The following ALS2CL variants were observed in gnomAD, a reference collection of about 807,000 sequenced individuals.
ALS2CL encodes the protein ALS2 C-terminal-like protein.
Under a neutral mutation model 127.9 loss-of-function variants are expected in ALS2CL, and 112 were observed. The ratio of observed to expected loss-of-function variants is 0.88; its 90% CI spans 0.75 to 1.02. The LOEUF is 1.02. Among genes scored for constraint, ALS2CL ranks in the 50% least tolerant of loss-of-function variants. The pLI, the probability that ALS2CL is intolerant of heterozygous loss-of-function variation, is 0.00. For synonymous variants in ALS2CL, 519 were observed against 527.6 expected (o/e 0.98, Z 0.22); for missense variants, 1,174 against 1,236.7 (o/e 0.95, Z 0.76).
chr3:46,692,911 T>A (rs1433533020), intron 1 of ALS2CL, among the ~76,000 whole-genome samples: 1 of 152,176 alleles, frequency 6.6e-6, no homozygotes, highest in Non-Finnish European at 1.5e-5. Context: ...GTCGTGACAC[T>A]CACTCACTCT....
At chr3:46,677,924 G>A (rs2106706613) in intron 16 of ALS2CL, among the ~76,000 whole-genome samples, 1 of 145,170 alleles carries the variant, frequency 6.9e-6, no homozygotes, top group South Asian at 2.2e-4. Flanking sequence ...TTCTTTTAAG[G>A]TTAACATATG....
chr3:46,683,765 A>G lies in ALS2CL; in HGVS notation c.912+17T>C. 6.2e-7 allele frequency: 1 copy of G among 1,613,726 alleles called. No individual in the cohort carries two copies. The highest frequency in any genetic ancestry group is 2.2e-5 in the East Asian group (1 of 44,878). ...CTCTGACCCCGCTCCCGCAGTTCAC[A>G]GCTCACCCACACTCACCTGGCCCTG... On this transcript the variant is annotated intron_variant, in intron 9 of 25. Coordinates refer to ENST00000318962, the MANE Select transcript of ALS2CL (RefSeq NM_147129.5).
intron 14 of ALS2CL, chr3:46,679,808 AC>A (rs1575425730): frequency 1.3e-5 from 2 of 155,156 alleles, no homozygotes; most frequent in Non-Finnish European, 2.9e-5. Context: ...GCATAAACAA[AC>A]CAACAGACCA....
Position 46,676,977 on chromosome 3 carries a change from T to C in ALS2CL, c.1803A>G (p.Gly601=). The C allele has an allele frequency of 6.2e-7, 1 of 1,612,328 alleles. No individual in the cohort carries two copies. The highest frequency in any genetic ancestry group is 1.3e-5 in the African/African-American group (1 of 74,994). The change falls in exon 17 of 26, where the codon GGA becomes GGG. Residue 601 remains glycine, a synonymous_variant. Transcript: ENST00000318962. ...GAFPVESRWQ[G]VYSPFRDFVC... Reference sequence around the variant, plus strand: ...CAAAGTCCCGGAAGGGGCTGTAGACTCCCTGCCAGCGGCTTTCCACGGGGA... The same window carrying C: ...CAAAGTCCCGGAAGGGGCTGTAGACCCCCTGCCAGCGGCTTTCCACGGGGA...
At chr3:46,688,589 C>T (rs116492001) in intron 2 of ALS2CL, among the ~76,000 whole-genome samples, 5 of 152,196 alleles carry the variant, frequency 3.3e-5, no homozygotes, top group Non-Finnish European at 5.9e-5. Context: ...AGTACATACA[C>T]GAATTCCCCC....
At chr3:46,685,737 T>A (rs1472298484) in intron 6 of ALS2CL, 93 bp from the exon 7 acceptor site, 2 of 1,498,006 alleles carry the variant, frequency 1.3e-6, no homozygotes, top group Admixed American at 4.1e-5. Context: ...CCCAGACACC[T>A]CCCAGAGGCC....
chr3:46,678,350 A>T lies in ALS2CL; in HGVS notation c.1666T>A (p.Ser556Thr). 2 of 1,613,286 alleles carry T rather than the reference A, an allele frequency of 1.2e-6. No individual in the cohort carries two copies. ...CCTCTCCCTGCCCCACTGCCGAACG[A>T]GCCCTCCAGGGTGAAGCCATTGGGG... is the stretch of plus-strand genomic sequence containing the variant. ...TFPNGFTLEG[S>T]FGSGAGRGLH... The change falls in exon 16 of 26, where the codon TCG becomes ACG. Residue 556 changes from serine to threonine, a missense_variant. Coordinates refer to ENST00000318962, the MANE Select transcript of ALS2CL (RefSeq NM_147129.5).
intron 9 of ALS2CL, 53 bp from the exon 10 acceptor site, chr3:46,683,379 C>T: frequency 6.6e-7 from 1 of 1,522,494 alleles, no homozygotes; most frequent in Middle Eastern, 2.1e-4. Flanking sequence ...GAGGCTTTCC[C>T]TCCAGGAAGC....
rs774088054 is a variant in ALS2CL, at chr3:46,672,051, G to C, written c.2535-18C>G. On this transcript the variant is annotated intron_variant, in intron 23 of 25. Coordinates refer to ENST00000318962, the MANE Select transcript of ALS2CL (RefSeq NM_147129.5). ...CCGTGGTCCTGCAGCAGGGTAGCTG[G>C]CTCCAGGTCAAGGCCCTTGGTTCAG... 3.1e-6 allele frequency: 5 copies of C among 1,614,034 alleles called. No homozygotes were observed. In the South Asian group the frequency reaches 4.4e-5, roughly 14 times the overall value.
In ALS2CL at chr3:46,673,350, T is replaced by C; in HGVS notation, c.2461A>G (p.Thr821Ala). 6.4e-7 allele frequency: 1 copy of C among 1,565,838 alleles called. No individual in the cohort carries two copies. Among genetic ancestry groups the C allele is most frequent in the Non-Finnish European group, 8.7e-7 (1 of 1,154,882 alleles). ...GGCCTCCCTCTCACCTGATTGCTCGTCAGCGTGAGGTCCTTGAGGGGCCAC... is the reference window on the plus strand; with the variant it reads ...GGCCTCCCTCTCACCTGATTGCTCGCCAGCGTGAGGTCCTTGAGGGGCCAC... Reference protein sequence around the residue: ...HLWPLKDLTLTSNQRYSLVRD... With the variant: ...HLWPLKDLTLASNQRYSLVRD... Residue 821 changes from threonine (T) to alanine (A), a missense_variant, in exon 22 of 26, where the codon ACG (threonine) becomes GCG (alanine). Physicochemically the swap from Thr to Ala is moderately conservative, Grantham distance 58. Transcript: ENST00000318962.
At chr3:46,672,063 G>A in intron 23 of ALS2CL, 30 bp from the exon 24 acceptor site, 2 of 1,614,078 alleles carry the variant, frequency 1.2e-6, no homozygotes, top group South Asian at 1.1e-5. Context: ...TCCAGGTCAA[G>A]GCCCTTGGTT....
At chr3:46,683,943 G>A in intron 8 of ALS2CL, 46 bp downstream of exon 8, 1 of 1,612,870 alleles carries the variant, frequency 6.2e-7, no homozygotes, top group African/African-American at 1.3e-5. Context: ...GTGTCATGGG[G>A]GTAAAGGGAA....
At position 46,681,200 on chromosome 3, in the gene ALS2CL, C is replaced by T. The variant is rs1290914869; in HGVS notation, c.1436+46G>A. ...CTGCAACAATCTGGTCTGTGAGGGC[C>T]CGGTCCACCCCTCCGTCCTGGGAGT... is the stretch of plus-strand genomic sequence containing the variant. On this transcript the variant is annotated intron_variant, in intron 13 of 25. Coordinates refer to ENST00000318962, the MANE Select transcript of ALS2CL (RefSeq NM_147129.5). The surrounding 1 kb of genome is among the most constrained non-coding windows in gnomAD (Gnocchi z 4.9). 1.2e-6 allele frequency: 2 copies of T among 1,612,764 alleles called. No homozygotes were observed. Among genetic ancestry groups the T allele is most frequent in the African/African-American group, 2.7e-5 (2 of 74,874 alleles).
rs776440306 is a variant in ALS2CL, at chr3:46,681,368, C to G, written c.1314G>C (p.Glu438Asp). The change falls in exon 13 of 26, where the codon GAG becomes GAC. Residue 438 changes from glutamate (E) to aspartate (D), a missense_variant. Glu to Asp is a conservative substitution (Grantham distance 45). Transcript: ENST00000318962. This position sits in a 1 kb window ranked among gnomAD's most constrained non-coding sequence, Gnocchi z 4.9. ...GGACCCCAAATCCGTGCCGCAGGCC[C>G]TCCTGGAAGTAGCCCTTGTACACCT... is the stretch of plus-strand genomic sequence containing the variant. ...TDEVYKGYFQEGLRHGFGVLE... is the reference protein window; with the variant it reads ...TDEVYKGYFQDGLRHGFGVLE... The G allele has an allele frequency of 3.7e-6, 6 of 1,608,568 alleles. No homozygotes were observed. The South Asian group carries it at 5.5e-5, about 15-fold the overall frequency.
chr3:46,686,971 C>T lies in ALS2CL; in HGVS notation c.534+12G>A. Reference sequence around the variant, plus strand: ...CTCGGCTTCCCCACATGCTGCTGCCCCTGGTACCCACCTCCCCAATGGTGT... The same window carrying T: ...CTCGGCTTCCCCACATGCTGCTGCCTCTGGTACCCACCTCCCCAATGGTGT... On this transcript the variant is annotated intron_variant, in intron 5 of 25. Transcript: ENST00000318962. The surrounding 1 kb of genome is among the most constrained non-coding windows in gnomAD (Gnocchi z 4.3). 6.3e-7 allele frequency: 1 copy of T among 1,581,636 alleles called. No homozygotes were observed. The highest frequency in any genetic ancestry group is 1.1e-5 in the South Asian group (1 of 87,872).
intron 2 of ALS2CL, among the ~76,000 whole-genome samples, chr3:46,689,102 A>G (rs2106747683): frequency 6.6e-6 from 1 of 152,296 alleles, no homozygotes; most frequent in Admixed American, 6.5e-5. Context: ...GGTGGCAGGC[A>G]CCTGTAATCC....
Position 46,683,695 on chromosome 3 carries a change from G to A in ALS2CL, c.912+87C>T, listed in dbSNP as rs1005462707. 4.0e-6 allele frequency: 6 copies of A among 1,512,692 alleles called. No individual in the cohort carries two copies. In the African/African-American group the frequency reaches 5.5e-5, roughly 14 times the overall value. The allele number at this position is 1,512,692 out of a possible 1,614,324, so 93.7% of individuals were successfully genotyped here. On this transcript the variant is annotated intron_variant, in intron 9 of 25. Transcript: ENST00000318962. Reference sequence around the variant, plus strand: ...GCCAGACACTCGCCGGCACTCCTGTGGGGCCCTGCAGGGTTGCATACTTCT... The same window carrying A: ...GCCAGACACTCGCCGGCACTCCTGTAGGGCCCTGCAGGGTTGCATACTTCT...
chr3:46,678,252 C>T lies in ALS2CL; in HGVS notation c.1757+7G>A. ...TAGGCCCAGAGCCAGAGGGGCCAGG[C>T]ACTCACCTCTTGCAGGTACTGCTCG... On this transcript the variant is annotated splice_region_variant and intron_variant, in intron 16 of 25. Coordinates refer to ENST00000318962, the MANE Select transcript of ALS2CL (RefSeq NM_147129.5). 6.4e-7 allele frequency: 1 copy of T among 1,573,830 alleles called. No individual in the cohort carries two copies. The highest frequency in any genetic ancestry group is 8.7e-7 in the Non-Finnish European group (1 of 1,152,892).
intron 2 of ALS2CL, among the ~76,000 whole-genome samples, chr3:46,689,123 G>A (rs1699995558): frequency 1.3e-5 from 2 of 152,224 alleles, no homozygotes; most frequent in African/African-American, 4.8e-5. Context: ...CAGCTACTCA[G>A]AAGGCTGAGG....
Sources: allele counts gnomAD v4.1 joint callset (sites outside exome capture counted in the v4.1 genomes callset), GRCh38; gene constraint gnomAD v4.1.1; non-coding constraint Gnocchi (gnomAD v3.1); transcripts MANE v1.5; gene names NCBI Gene and HGNC (gene_info 2026-07-23, HGNC 2026-07-21).